Variants in SPG11 observed in about 807,000 individuals in gnomAD.
SPG11 encodes spatacsin.
A neutral mutation model predicts 274.0 loss-of-function variants in SPG11; 222 were observed. That is an observed-to-expected ratio of 0.81 (90% CI 0.73 to 0.91). SPG11 has a LOEUF of 0.91. Among genes scored for constraint, SPG11 ranks in the 40% least tolerant of loss-of-function variants. The pLI is 0.00. For synonymous variants in SPG11, 1,144 were observed against 1,039.7 expected (o/e 1.10, Z -1.93); for missense variants, 3,114 against 2,872.7 (o/e 1.08, Z -1.92).
chr15:44,652,350 G>A, intron 4 of SPG11, 84 bp from the exon 5 acceptor site: 1 of 1,404,728 alleles, frequency 7.1e-7, no homozygotes, highest in Non-Finnish European at 9.9e-7. Flanking sequence ...TTAAAAATAA[G>A]AGATTACAGA....
chr15:44,627,108 C>G (rs749121014), intron 10 of SPG11, among the ~76,000 whole-genome samples: 3 of 152,000 alleles, frequency 2.0e-5, no homozygotes. Flanking sequence ...CTACGTGGAG[C>G]CACTGAAAGA....
chr15:44,569,565 A>T, intron 34 of SPG11, 60 bp from the exon 35 acceptor site: 1 of 1,285,838 alleles, frequency 7.8e-7, no homozygotes, highest in Non-Finnish European at 1.1e-6. Flanking sequence ...TCTCTGAGCC[A>T]GACAACTACC....
At chr15:44,564,509 G>A (rs1287388669) in intron 39 of SPG11, 38 bp downstream of exon 39, 1 of 1,607,898 alleles carries the variant, frequency 6.2e-7, no homozygotes, top group Non-Finnish European at 8.5e-7. Context: ...CAAAGCAGAG[G>A]CAAGGAGCAA....
chr15:44,566,240 C>T lies in SPG11; in HGVS notation c.6820G>A (p.Asp2274Asn), dbSNP rs1555446520. ...LLLKALTLMLDAAESYAKDSC... is the reference protein window; with the variant it reads ...LLLKALTLMLNAAESYAKDSC... Reference sequence around the variant, plus strand: ...ACCTTGGCATAACTCTCTGCTGCATCCAACATCAGAGTCAGGGCCTTCAGC... The same window carrying T: ...ACCTTGGCATAACTCTCTGCTGCATTCAACATCAGAGTCAGGGCCTTCAGC... The change falls in exon 37 of 40, where the codon GAT (aspartate) becomes AAT (asparagine). Residue 2274 changes from aspartate (D) to asparagine (N), a missense_variant. Coordinates refer to ENST00000261866, the MANE Select transcript of SPG11 (RefSeq NM_025137.4). 6.2e-7 allele frequency: 1 copy of T among 1,614,222 alleles called. No individual in the cohort carries two copies. The highest frequency in any genetic ancestry group is 8.5e-7 in the Non-Finnish European group (1 of 1,180,016).
chr15:44,657,136 G>T lies in SPG11; in HGVS notation c.828C>A (p.Ser276=), dbSNP rs780079430. The T allele has an allele frequency of 1.2e-5, 19 of 1,614,048 alleles. No homozygotes were observed. The highest frequency in any genetic ancestry group is 1.6e-5 in the Non-Finnish European group (19 of 1,180,026). The change falls in exon 4 of 40, where the codon TCC becomes TCA. Residue 276 remains serine (S), a synonymous_variant. Transcript: ENST00000261866. ...AGTTAAGAGCAACTGCGGAGTTGGA[G>T]GAGCTGACAATCACTGCAACATCGA... ...QDLDVAVIVS[S]SNSAVALNLN...
chr15:44,655,279 A>C (rs1443094121), intron 4 of SPG11, among the ~76,000 whole-genome samples: 3 of 152,230 alleles, frequency 2.0e-5, no homozygotes, highest in Admixed American at 1.3e-4. Flanking sequence ...ATAACAACAT[A>C]ATTTTTTAAA....
At chr15:44,619,816 G>A (rs2083691020) in intron 15 of SPG11, among the ~76,000 whole-genome samples, 1 of 150,710 alleles carries the variant, frequency 6.6e-6, no homozygotes, top group Non-Finnish European at 1.5e-5. Flanking sequence ...TCTGCCTCCT[G>A]GGTTCAAGCG....
intron 7 of SPG11, among the ~76,000 whole-genome samples, chr15:44,644,703 T>C (rs189574200): frequency 6.6e-6 from 1 of 152,204 alleles, no homozygotes; most frequent in East Asian, 1.9e-4. Flanking sequence ...AGCTCCTGGA[T>C]CTGATAAACA....
chr15:44,607,777 G>T (rs2083359276), intron 19 of SPG11, among the ~76,000 whole-genome samples: 1 of 152,078 alleles, frequency 6.6e-6, no homozygotes, highest in African/African-American at 2.4e-5. Flanking sequence ...CTGAGTAGAA[G>T]GTTTATAGCT....
intron 17 of SPG11, 141 bp from the exon 18 acceptor site, chr15:44,611,126 A>T (rs569747241): frequency 1.3e-6 from 1 of 786,618 alleles, no homozygotes; most frequent in East Asian, 2.9e-5. Flanking sequence ...AGGACTTCCT[A>T]AATTTAAAAG....
At chr15:44,638,621 T>A (rs1235331398) in intron 7 of SPG11, among the ~76,000 whole-genome samples, 1 of 152,082 alleles carries the variant, frequency 6.6e-6, no homozygotes, top group East Asian at 1.9e-4. Context: ...CTAAACTAGT[T>A]TAGGGCACAA....
intron 24 of SPG11, 99 bp downstream of exon 24, chr15:44,596,685 A>G: frequency 1.3e-6 from 1 of 768,364 alleles, no homozygotes; most frequent in Admixed American, 3.1e-5. Flanking sequence ...AAAAAAAAAA[A>G]AAAAAGGCCT....
intron 15 of SPG11, 24 bp downstream of exon 15, chr15:44,620,157 TCCCATTGGG>T: frequency 6.6e-7 from 1 of 1,517,924 alleles, no homozygotes; most frequent in Non-Finnish European, 9.1e-7. Context: ...CTTGTATTCT[TCCCATTGGG>T]TATTAGTTCA....
At chr15:44,582,952 G>T (rs1022292714) in intron 30 of SPG11, among the ~76,000 whole-genome samples, 1 of 152,042 alleles carries the variant, frequency 6.6e-6, no homozygotes, top group Non-Finnish European at 1.5e-5. Context: ...TCCCTTTAAG[G>T]TCAGTAAAAA....
chr15:44,660,666 T>G, intron 1 of SPG11, 50 bp from the exon 2 acceptor site: 1 of 1,562,918 alleles, frequency 6.4e-7, no homozygotes, highest in South Asian at 1.1e-5. Flanking sequence ...CAATAATATT[T>G]ACCCACAATG....
At chr15:44,604,716 C>G (rs966915657) in intron 20 of SPG11, among the ~76,000 whole-genome samples, 1 of 151,890 alleles carries the variant, frequency 6.6e-6, no homozygotes, top group Non-Finnish European at 1.5e-5. Context: ...ATCACGAGGT[C>G]AGGAGATCGA....
In SPG11 at chr15:44,651,640, G is replaced by A; in HGVS notation, c.1307C>T (p.Thr436Ile). ...ELKCVSVTGFTALFTWEVERM... is the reference protein window; with the variant it reads ...ELKCVSVTGFIALFTWEVERM... The stretch of plus-strand genomic sequence containing the variant: ...TTCCACTTCCCAAGTAAACAGTGCA[G>A]TGAATCCTGTCACAGACACACATTT... The change falls in exon 6 of 40, where the codon ACT (threonine) becomes ATT (isoleucine). Residue 436 changes from threonine (T) to isoleucine (I), a missense_variant. Coordinates refer to ENST00000261866, the MANE Select transcript of SPG11 (RefSeq NM_025137.4). The A allele has an allele frequency of 6.2e-7, 1 of 1,614,232 alleles. No individual in the cohort carries two copies. Among genetic ancestry groups the A allele is most frequent in the Non-Finnish European group, 8.5e-7 (1 of 1,180,044 alleles).
chr15:44,638,010 G>C (rs1473844877), intron 7 of SPG11, among the ~76,000 whole-genome samples: 1 of 152,048 alleles, frequency 6.6e-6, no homozygotes, highest in East Asian at 1.9e-4. Flanking sequence ...TCAGCAAAAA[G>C]TTTAAAAAGC....
chr15:44,608,235 A>T (rs1277108017), intron 19 of SPG11, among the ~76,000 whole-genome samples: 1 of 152,006 alleles, frequency 6.6e-6, no homozygotes, highest in Non-Finnish European at 1.5e-5. Context: ...ACTTTTTTGC[A>T]TTGTTCTTGC....
Sources: gnomAD v4.1 joint callset for allele counts (sites outside exome capture counted in the v4.1 genomes callset) on GRCh38, gnomAD v4.1.1 for gene constraint, MANE v1.5 for transcripts, NCBI Gene and HGNC (gene_info 2026-07-23, HGNC 2026-07-21) for gene names.